Variants in TMEM132B observed in about 807,000 individuals in gnomAD.
TMEM132B encodes transmembrane protein 132B.
In TMEM132B, 18 loss-of-function variants were observed where a neutral mutation model predicts 90.8. The observed-to-expected ratio is 0.20, with a 90% CI of 0.14 to 0.29. TMEM132B has a LOEUF of 0.29. TMEM132B is among the 10% of genes least tolerant of loss of function. The pLI is 1.00. For synonymous variants in TMEM132B, 504 were observed against 523.3 expected, an observed-to-expected ratio of 0.96 and a Z score of 0.50; for missense variants, 1,096 against 1,326.8, an observed-to-expected ratio of 0.83 and a Z score of 2.70.
At chr12:125,617,574 A>T (rs762058345) in intron 5 of TMEM132B, among the ~76,000 whole-genome samples, 1 of 151,812 alleles carries the variant, frequency 6.6e-6, no homozygotes, top group Non-Finnish European at 1.5e-5. Flanking sequence ...CAAACTCCCG[A>T]CCTCAGGTGA....
intron 4 of TMEM132B, among the ~76,000 whole-genome samples, chr12:125,538,276 A>T (rs1168293762): frequency 6.6e-6 from 1 of 152,202 alleles, no homozygotes; most frequent in Non-Finnish European, 1.5e-5. Flanking sequence ...CTAAGAATTC[A>T]CATCTCCCAA....
intron 1 of TMEM132B, among the ~76,000 whole-genome samples, chr12:125,247,923 G>T (rs1162622218): frequency 6.6e-6 from 1 of 152,098 alleles, no homozygotes; most frequent in Non-Finnish European, 1.5e-5. Flanking sequence ...AGTTTGAGTT[G>T]GTTTTCTGTG....
chr12:125,332,459 C>G (rs1238036337), intron 1 of TMEM132B, among the ~76,000 whole-genome samples: 1 of 152,070 alleles, frequency 6.6e-6, no homozygotes, highest in Non-Finnish European at 1.5e-5. Context: ...GTCATCTTCT[C>G]TCAATTAAGC....
chr12:125,634,829 TCTC>T (rs1344883796), intron 5 of TMEM132B, among the ~76,000 whole-genome samples: 2 of 152,104 alleles, frequency 1.3e-5, no homozygotes, highest in African/African-American at 4.8e-5. Flanking sequence ...TTCTTCCTTC[TCTC>T]CTCAAGTGGA....
chr12:125,235,768 T>G (rs1873921729), intron 1 of TMEM132B, among the ~76,000 whole-genome samples: 1 of 151,930 alleles, frequency 6.6e-6, no homozygotes, highest in Non-Finnish European at 1.5e-5. Flanking sequence ...TTTTGAGGTC[T>G]ATCTATGTTG....
chr12:125,647,467 G>T (rs1593043861), intron 6 of TMEM132B, among the ~76,000 whole-genome samples: 1 of 152,338 alleles, frequency 6.6e-6, no homozygotes, highest in Non-Finnish European at 1.5e-5. Context: ...AACATCCAGA[G>T]AGAGGTTATA....
Position 125,569,281 on chromosome 12 carries a change from A to G in TMEM132B, c.1294-14570A>G, listed in dbSNP as rs116408002. Among the ~76,000 whole-genome samples, 741 of 152,240 alleles carry G rather than the reference A, an allele frequency of 4.9e-3. 7 individuals are homozygous for G. Among genetic ancestry groups the G allele is most frequent in the African/African-American group, 0.017 (703 of 41,546 alleles). On this transcript the variant is annotated intron_variant, in intron 4 of 8. Transcript: ENST00000682704. ...ATCTTCCTATCCCCAGGAAGCTGGTATGCTGGATATTATCGCCCCACCTTA... is the reference window on the plus strand; with the variant it reads ...ATCTTCCTATCCCCAGGAAGCTGGTGTGCTGGATATTATCGCCCCACCTTA...
At chr12:125,536,129 A>G (rs1270159872) in intron 4 of TMEM132B, among the ~76,000 whole-genome samples, 3 of 152,166 alleles carry the variant, frequency 2.0e-5, no homozygotes, top group African/African-American at 4.8e-5. Context: ...TCTGACCTTT[A>G]AGAATGAAGG....
At chr12:125,354,194 T>C (rs1877687444) in intron 2 of TMEM132B, among the ~76,000 whole-genome samples, 1 of 152,220 alleles carries the variant, frequency 6.6e-6, no homozygotes, top group South Asian at 2.1e-4. Flanking sequence ...TAAACTTTAG[T>C]TGTGGGGACT....
intron 1 of TMEM132B, among the ~76,000 whole-genome samples, chr12:125,271,784 C>CATATAAT (rs1340372997): frequency 6.6e-6 from 1 of 151,720 alleles, no homozygotes; most frequent in Non-Finnish European, 1.5e-5. Context: ...ATATTACCTT[C>CATATAAT]ATATAATATA....
intron 1 of TMEM132B, among the ~76,000 whole-genome samples, chr12:125,305,869 G>C (rs1875945413): frequency 6.6e-6 from 1 of 152,224 alleles, no homozygotes; most frequent in Admixed American, 6.5e-5. Context: ...TAACAACTCT[G>C]TACTCCAGTG....
chr12:125,494,265 T>C (rs1479758542), intron 3 of TMEM132B, among the ~76,000 whole-genome samples: 3 of 91,260 alleles, frequency 3.3e-5, no homozygotes, highest in Admixed American at 2.7e-4. Flanking sequence ...CCCTCCTCCC[T>C]GGAAATGGCT....
chr12:125,187,033 T>C (rs991365092), intron 1 of TMEM132B, among the ~76,000 whole-genome samples, 167 bp downstream of exon 1: 25 of 152,110 alleles, frequency 1.6e-4, no homozygotes, highest in Non-Finnish European at 3.1e-4. Flanking sequence ...CCCCTTTGCC[T>C]AGCGCCTGGG....
chr12:125,434,142 G>A (rs1163474744), intron 3 of TMEM132B, among the ~76,000 whole-genome samples: 2 of 152,118 alleles, frequency 1.3e-5, no homozygotes, highest in East Asian at 1.9e-4. Context: ...ACCTTTTCCC[G>A]CTTGCAGGGG....
chr12:125,497,513 A>G (rs757362552), intron 3 of TMEM132B, among the ~76,000 whole-genome samples: 4 of 152,178 alleles, frequency 2.6e-5, no homozygotes, highest in Non-Finnish European at 5.9e-5. Flanking sequence ...GACTGTTGAA[A>G]AGTGAGTTGG....
chr12:125,219,011 A>G (rs1043888449), intron 1 of TMEM132B, among the ~76,000 whole-genome samples: 1 of 152,172 alleles, frequency 6.6e-6, no homozygotes, highest in African/African-American at 2.4e-5. Context: ...TGTACCCTTT[A>G]AAATAGTTAA....
intron 4 of TMEM132B, among the ~76,000 whole-genome samples, chr12:125,560,278 C>T (rs529747195): frequency 2.0e-5 from 3 of 152,254 alleles, no homozygotes; most frequent in South Asian, 4.1e-4. Flanking sequence ...GTGGTCCTAG[C>T]GAGGTCAGGG....
intron 1 of TMEM132B, among the ~76,000 whole-genome samples, chr12:125,338,141 C>T (rs549203199): frequency 1.3e-5 from 2 of 152,328 alleles, no homozygotes; most frequent in Non-Finnish European, 2.9e-5. Context: ...TTATTTCCTA[C>T]TTACTTTGGG....
rs1309747010 is a variant in TMEM132B at position 125,590,267 on chromosome 12, A to G, written c.1437+6273A>G. On this transcript the variant is annotated intron_variant, in intron 5 of 8. Coordinates refer to ENST00000682704, the MANE Select transcript of TMEM132B (RefSeq NM_001366854.1). ...GGCCTAACACAACGTCCACATTCAT[A>G]TCCATGAATGTTAACTGCTACTTGA... is the stretch of plus-strand genomic sequence containing the variant. Among the ~76,000 whole-genome samples, 4 of 152,208 alleles carry G rather than the reference A, an allele frequency of 2.6e-5. No individual in the cohort carries two copies. The East Asian group carries it at 7.7e-4, about 29-fold the overall frequency.
Sources: allele counts gnomAD v4.1 joint callset (sites outside exome capture counted in the v4.1 genomes callset), GRCh38; gene constraint gnomAD v4.1.1; transcripts MANE v1.5; gene names NCBI Gene and HGNC (gene_info 2026-07-23, HGNC 2026-07-21).